Variants in KCNH7 observed in about 807,000 individuals in gnomAD.
KCNH7 encodes voltage-gated inwardly rectifying potassium channel KCNH7.
KCNH7 carries 49 observed loss-of-function variants against 120.8 expected under a neutral mutation model. The observed-to-expected ratio is 0.41, with a 90% CI of 0.32 to 0.51. The LOEUF (loss-of-function observed/expected upper bound fraction) is 0.51, where lower values mean the gene tolerates loss of function less well. Among genes scored for constraint, KCNH7 ranks in the 20% least tolerant of loss-of-function variants. The probability of loss-of-function intolerance (pLI) is 0.38; values close to 1 mark genes in which losing one functional copy is unlikely to be tolerated. For synonymous variants in KCNH7, 547 were observed against 516.1 expected (o/e 1.06, Z -0.81); for missense variants, 1,097 against 1,446.6 (o/e 0.76, Z 3.92).
chr2:162,611,267 C>T (rs573242658), intron 2 of KCNH7, among the ~76,000 whole-genome samples: 5 of 152,206 alleles, frequency 3.3e-5, no homozygotes, highest in African/African-American at 1.2e-4. Context: ...GAAACAAGAT[C>T]TTGAATTACA....
intron 2 of KCNH7, among the ~76,000 whole-genome samples, chr2:162,805,620 T>C (rs1204439755): frequency 6.6e-6 from 1 of 152,082 alleles, no homozygotes; most frequent in Non-Finnish European, 1.5e-5. Flanking sequence ...GGAGAATGCT[T>C]ATACATTGCT....
chr2:162,579,007 G>T (rs1693780491), intron 2 of KCNH7, among the ~76,000 whole-genome samples: 1 of 151,760 alleles, frequency 6.6e-6, no homozygotes, highest in Non-Finnish European at 1.5e-5. Flanking sequence ...CACTTGGACT[G>T]ATTGGATCAT....
intron 2 of KCNH7, among the ~76,000 whole-genome samples, chr2:162,575,478 A>G (rs1198295241): frequency 1.3e-5 from 2 of 151,990 alleles, no homozygotes; most frequent in East Asian, 1.9e-4. Context: ...GCAATTCCTG[A>G]CACTCTGCTA....
rs567367341 is a variant in KCNH7, at chr2:162,603,025, T to C, written c.308-65945A>G. Among the ~76,000 whole-genome samples the C allele has an allele frequency of 1.1e-4, 16 of 151,380 alleles. No individual in the cohort carries two copies. In the South Asian group the frequency reaches 3.3e-3, roughly 32 times the overall value. ...GAATCACAGCAGGGACTACACAGGG[T>C]TGGACTAGTCCAGCATCATACTGAG... On this transcript the variant is annotated intron_variant, in intron 2 of 15. Coordinates refer to ENST00000332142, the MANE Select transcript of KCNH7 (RefSeq NM_033272.4).
intron 9 of KCNH7, among the ~76,000 whole-genome samples, chr2:162,404,902 A>T (rs1687164285): frequency 6.6e-6 from 1 of 152,016 alleles, no homozygotes; most frequent in Non-Finnish European, 1.5e-5. Context: ...TAAATGCCCA[A>T]ATTAAAACAA....
At chr2:162,435,119 C>A in intron 8 of KCNH7, 79 bp downstream of exon 8, 2 of 1,321,224 alleles carry the variant, frequency 1.5e-6, no homozygotes, top group Non-Finnish European at 2.1e-6. Context: ...TTTTCTTTGC[C>A]TTACTCTAAA....
chr2:162,830,333 G>T (rs371103955), intron 2 of KCNH7, among the ~76,000 whole-genome samples: 299 of 152,238 alleles, frequency 2.0e-3, no homozygotes, highest in South Asian at 3.3e-3. Context: ...AGTATGACTG[G>T]ATCATAAGAT....
At chr2:162,596,889 C>G (rs1694397533) in intron 2 of KCNH7, among the ~76,000 whole-genome samples, 1 of 151,926 alleles carries the variant, frequency 6.6e-6, no homozygotes, top group African/African-American at 2.4e-5. Flanking sequence ...TATAACCAGG[C>G]AGAGAACCTG....
chr2:162,444,851 T>C (rs774250984), intron 7 of KCNH7, among the ~76,000 whole-genome samples: 57 of 152,110 alleles, frequency 3.7e-4, no homozygotes, highest in Non-Finnish European at 7.4e-4. Flanking sequence ...GTTCAGCTAA[T>C]TAAGAACAGC....
At chr2:162,642,775 C>A (rs1272504493) in intron 2 of KCNH7, among the ~76,000 whole-genome samples, 1 of 152,210 alleles carries the variant, frequency 6.6e-6, no homozygotes, top group Non-Finnish European at 1.5e-5. Flanking sequence ...CATCATCATG[C>A]AGCTGTGTTC....
At chr2:162,491,786 G>A (rs1690317447) in intron 6 of KCNH7, among the ~76,000 whole-genome samples, 1 of 152,106 alleles carries the variant, frequency 6.6e-6, no homozygotes, top group African/African-American at 2.4e-5. Context: ...AAGGACCTAG[G>A]GATGCCTTTT....
chr2:162,532,078 A>C (rs894121762), intron 3 of KCNH7, among the ~76,000 whole-genome samples: 1 of 151,922 alleles, frequency 6.6e-6, no homozygotes, highest in Non-Finnish European at 1.5e-5. Flanking sequence ...TTGGAGATTT[A>C]ATAAAGGAGG....
At chr2:162,691,910 G>T (rs1274825105) in intron 2 of KCNH7, among the ~76,000 whole-genome samples, 1 of 152,140 alleles carries the variant, frequency 6.6e-6, no homozygotes, top group Non-Finnish European at 1.5e-5. Context: ...TCAAACATCA[G>T]TGTCCCTGAG....
chr2:162,400,730 C>A (rs546324664), intron 9 of KCNH7, among the ~76,000 whole-genome samples: 1 of 151,986 alleles, frequency 6.6e-6, no homozygotes, highest in East Asian at 2.0e-4. Flanking sequence ...TCTTTCCCTG[C>A]ATTATGTTAT....
intron 2 of KCNH7, among the ~76,000 whole-genome samples, chr2:162,639,071 C>G (rs922130824): frequency 6.6e-6 from 1 of 152,098 alleles, no homozygotes; most frequent in Non-Finnish European, 1.5e-5. Flanking sequence ...CCCCCTACCA[C>G]CAGCCGTGGC....
At position 162,446,376 on chromosome 2, in the gene KCNH7, G is replaced by A. The variant is rs140040445; in HGVS notation, c.1196C>T (p.Thr399Met). The change falls in exon 7 of 16, where the codon ACG becomes ATG. Residue 399 changes from threonine (T) to methionine (M), a missense_variant. Thr to Met is a moderately conservative substitution (Grantham distance 81, BLOSUM62 -1). Around this residue, in one of 8 missense-constraint regions of KCNH7, gnomAD observed 109 missense variants for 196.8 expected, o/e 0.55. Transcript: ENST00000332142. ...KLQTPRINKF[T>M]ILHYSPFKAV... is the part of the protein sequence containing the mutation. The stretch of plus-strand genomic sequence containing the variant: ...CTTGAAAGGGCTGTAGTGCAATATC[G>A]TAAACTTGTTGATGCGTGGTGTCTG... 45 of 1,613,544 alleles carry A rather than the reference G, an allele frequency of 2.8e-5. No homozygotes were observed. In the Admixed American group the frequency reaches 5.7e-4, roughly 20 times the overall value.
chr2:162,376,368 GTT>G (rs554245457), intron 14 of KCNH7, among the ~76,000 whole-genome samples: 106 of 135,618 alleles, frequency 7.8e-4, no homozygotes, highest in African/African-American at 2.1e-3. Flanking sequence ...AGTGTGGTTT[GTT>G]TTTTTTTTTT....
At chr2:162,488,543 G>C (rs955830317) in intron 6 of KCNH7, among the ~76,000 whole-genome samples, 5 of 151,922 alleles carry the variant, frequency 3.3e-5, no homozygotes, top group Non-Finnish European at 7.4e-5. Flanking sequence ...TCAAAAGCAG[G>C]CATCTTGTTC....
At position 162,380,071 on chromosome 2, in the gene KCNH7, G is replaced by A. The variant is rs190919485; in HGVS notation, c.2963-50C>T. 374 of 1,584,778 alleles carry A rather than the reference G, an allele frequency of 2.4e-4. No individual in the cohort carries two copies. In the African/African-American group the frequency reaches 3.8e-3, roughly 16 times the overall value. On this transcript the variant is annotated intron_variant, in intron 13 of 15. Coordinates refer to ENST00000332142, the MANE Select transcript of KCNH7 (RefSeq NM_033272.4). ...TCAACACTCTTAGGTGCCCCTTTGC[G>A]TCAATAATTCATAGATATCCACAAG...
Sources: allele counts gnomAD v4.1 joint callset (sites outside exome capture counted in the v4.1 genomes callset), GRCh38; gene constraint gnomAD v4.1.1; regional missense constraint gnomAD v4.1.1; transcripts MANE v1.5; gene names NCBI Gene and HGNC (gene_info 2026-07-23, HGNC 2026-07-21).